RAB3GAP1: variants seen among roughly 807,000 people sequenced by gnomAD.
RAB3GAP1 encodes the protein rab3 GTPase-activating protein catalytic subunit.
A neutral mutation model predicts 130.7 loss-of-function variants in RAB3GAP1; 86 were observed. The ratio of observed to expected loss-of-function variants is 0.66; its 90% CI spans 0.55 to 0.79. The LOEUF (loss-of-function observed/expected upper bound fraction) is 0.79. Ranked by LOEUF, RAB3GAP1 falls within the 30% of genes least tolerant of loss-of-function variation. The pLI, the probability that RAB3GAP1 is intolerant of heterozygous loss-of-function variation, is 0.00. For synonymous variants in RAB3GAP1, 367 were observed against 401.7 expected (o/e 0.91, Z 1.03); for missense variants, 1,029 against 1,169.4 (o/e 0.88, Z 1.75).
chr2:135,142,431 G>C (rs1346989841), intron 17 of RAB3GAP1, among the ~76,000 whole-genome samples: 1 of 149,964 alleles, frequency 6.7e-6, no homozygotes, highest in African/African-American at 2.5e-5. Flanking sequence ...GAGATTATTT[G>C]GAGTTTTCTA....
At chr2:135,082,952 A>G (rs1689869700) in intron 3 of RAB3GAP1, among the ~76,000 whole-genome samples, 1 of 152,178 alleles carries the variant, frequency 6.6e-6, no homozygotes, top group African/African-American at 2.4e-5. Context: ...TCCTACACAC[A>G]TTATCCCATA....
At chr2:135,071,318 TAA>T (rs1689466639) in intron 3 of RAB3GAP1, among the ~76,000 whole-genome samples, 1 of 152,202 alleles carries the variant, frequency 6.6e-6, no homozygotes, top group Non-Finnish European at 1.5e-5. Context: ...ATGCTAATCC[TAA>T]TCAGTGGAAA....
chr2:135,061,138 A>G (rs1347407002), intron 3 of RAB3GAP1, among the ~76,000 whole-genome samples: 1 of 151,970 alleles, frequency 6.6e-6, no homozygotes, highest in Non-Finnish European at 1.5e-5. Flanking sequence ...GTTGTTGTAC[A>G]TACCAGAATT....
intron 3 of RAB3GAP1, among the ~76,000 whole-genome samples, chr2:135,060,346 A>G (rs1050503814): frequency 7.5e-6 from 1 of 133,874 alleles, no homozygotes; most frequent in African/African-American, 2.9e-5. Context: ...CGCAACCTCC[A>G]CCTCCCGGGT....
At position 135,104,085 on chromosome 2, in the gene RAB3GAP1, G is replaced by A. The variant is rs75534888; in HGVS notation, c.363-9066G>A. Among the ~76,000 whole-genome samples the A allele has an allele frequency of 1.9e-3, 295 of 152,302 alleles. 1 individual carries two copies. The highest frequency in any genetic ancestry group is 3.9e-3 in the Non-Finnish European group (262 of 68,032). ...AGGCTCAGGTGTTTGGGCATGATCT[G>A]TGCTCAAATTATTGGTTTACCTGCA... On this transcript the variant is annotated intron_variant, in intron 5 of 23. Transcript: ENST00000264158.
intron 8 of RAB3GAP1, 192 bp from the exon 9 acceptor site, chr2:135,123,973 T>C: frequency 1.7e-6 from 1 of 582,492 alleles, no homozygotes; most frequent in Non-Finnish European, 3.1e-6. Flanking sequence ...AAGTGTGCCC[T>C]TTTACTGTAA....
chr2:135,131,064 C>T (rs72978377), intron 13 of RAB3GAP1, among the ~76,000 whole-genome samples: 9,084 of 152,168 alleles, frequency 0.06, 524 homozygotes, highest in African/African-American at 0.15. Context: ...AGCAGAGGTT[C>T]GAGAGCATGT....
At position 135,135,369 on chromosome 2, in the gene RAB3GAP1, T is replaced by G. The variant is rs1196874503; in HGVS notation, c.1554+50T>G. On this transcript the variant is annotated intron_variant, in intron 16 of 23. Transcript: ENST00000264158. ...TAAATGTGGTCTTGATTTAATCAGA[T>G]TATTCTAATACTAAATGTAATAATG... The G allele has an allele frequency of 3.3e-6, 5 of 1,525,966 alleles. No individual in the cohort carries two copies. The Admixed American group carries it at 5.0e-5, about 15-fold the overall frequency. 94.5% of individuals were successfully genotyped at this position (1,525,966 alleles called of 1,614,324 possible). A position where few individuals can be genotyped will look rare whatever the true frequency, so the allele number is the denominator to read the frequency against.
intron 23 of RAB3GAP1, chr2:135,167,672 C>G: frequency 5.4e-6 from 8 of 1,482,902 alleles, no homozygotes; most frequent in Non-Finnish European, 7.3e-6. Context: ...ATCACTGTTT[C>G]TTTTCTTACC....
At chr2:135,128,889 G>C (rs528638046) in intron 11 of RAB3GAP1, among the ~76,000 whole-genome samples, 1 of 152,202 alleles carries the variant, frequency 6.6e-6, no homozygotes, top group Non-Finnish European at 1.5e-5. Flanking sequence ...AATGGCTCAT[G>C]CCTATAATCC....
intron 3 of RAB3GAP1, among the ~76,000 whole-genome samples, chr2:135,080,039 C>T (rs1689745978): frequency 6.6e-6 from 1 of 150,906 alleles, no homozygotes; most frequent in South Asian, 2.1e-4. Context: ...ATGGCGTGAA[C>T]CCGGAAGGCG....
chr2:135,125,329 G>A (rs1383267178), intron 9 of RAB3GAP1, among the ~76,000 whole-genome samples: 1 of 152,166 alleles, frequency 6.6e-6, no homozygotes, highest in African/African-American at 2.4e-5. Context: ...CTGGTATGTT[G>A]CAAGATCCCC....
At chr2:135,119,211 C>T (rs919198087) in intron 7 of RAB3GAP1, among the ~76,000 whole-genome samples, 2 of 151,798 alleles carry the variant, frequency 1.3e-5, no homozygotes, top group South Asian at 2.1e-4. Flanking sequence ...CGGGATCAAG[C>T]GATTCTCCTG....
At chr2:135,135,054 C>T (rs1691640972) in intron 15 of RAB3GAP1, among the ~76,000 whole-genome samples, 1 of 151,990 alleles carries the variant, frequency 6.6e-6, no homozygotes, top group South Asian at 2.1e-4. Flanking sequence ...ATTATATTTG[C>T]TATTGGTGAT....
At chr2:135,166,999 G>A (rs1254467740) in intron 23 of RAB3GAP1, among the ~76,000 whole-genome samples, 1 of 152,154 alleles carries the variant, frequency 6.6e-6, no homozygotes, top group Non-Finnish European at 1.5e-5. Flanking sequence ...CATATAACAA[G>A]CATCTGGTTG....
intron 3 of RAB3GAP1, among the ~76,000 whole-genome samples, chr2:135,078,691 TGCC>T (rs1558765041): frequency 9.7e-5 from 3 of 30,822 alleles, no homozygotes; most frequent in African/African-American, 5.4e-4. Flanking sequence ...TCCCCTCCCC[TGCC>T]CTCCCCTCCC....
chr2:135,057,071 T>C (rs1294740554), intron 2 of RAB3GAP1, among the ~76,000 whole-genome samples: 1 of 152,206 alleles, frequency 6.6e-6, no homozygotes, highest in East Asian at 1.9e-4. Context: ...TGACTGAGAC[T>C]TGACAGTTTT....
In RAB3GAP1 at chr2:135,146,971, AACAC is replaced by A. The variant is rs34094441; in HGVS notation, c.1924-3373_1924-3370del. Among the ~76,000 whole-genome samples the A allele has an allele frequency of 2.9e-3, 432 of 147,504 alleles. 6 individuals are homozygous for A. The highest frequency in any genetic ancestry group is 8.5e-3 in the African/African-American group (346 of 40,488). On this transcript the variant is annotated intron_variant, in intron 17 of 23. Transcript: ENST00000264158. Reference sequence around the variant, plus strand: ...TATGTGATTATTTCAAGGGGGTATAAACACACACACACACACACACACACACACG... The same window carrying A: ...TATGTGATTATTTCAAGGGGGTATAAACACACACACACACACACACACACG...
chr2:135,152,937 C>G (rs1225695200), intron 18 of RAB3GAP1: 1 of 152,262 alleles, frequency 6.6e-6, no homozygotes, highest in Non-Finnish European at 1.5e-5. Context: ...CATACATCAT[C>G]ATTAATTCTA....
Sources: allele counts gnomAD v4.1 joint callset (sites outside exome capture counted in the v4.1 genomes callset), GRCh38; gene constraint gnomAD v4.1.1; transcripts MANE v1.5; gene names NCBI Gene and HGNC (gene_info 2026-07-23, HGNC 2026-07-21).